The following KCNQ5 variants were observed in gnomAD, a reference collection of about 807,000 sequenced individuals.
KCNQ5 encodes the protein potassium voltage-gated channel subfamily Q member 5, also known as potassium voltage-gated channel subfamily KQT member 5.
KCNQ5 carries 30 observed loss-of-function variants against 98.2 expected under a neutral mutation model. That is an observed-to-expected ratio of 0.31 (90% CI 0.23 to 0.41). KCNQ5 has a LOEUF of 0.41. Ranked by LOEUF, KCNQ5 falls within the 10% of genes least tolerant of loss-of-function variation. The pLI is 1.00. For synonymous variants in KCNQ5, 458 were observed against 449.4 expected (o/e 1.02, Z -0.24); for missense variants, 835 against 1,182.5 (o/e 0.71, Z 4.31).
At chr6:73,045,294 T>C (rs145976039) in intron 3 of KCNQ5, among the ~76,000 whole-genome samples, 347 of 152,344 alleles carry the variant, frequency 2.3e-3, no homozygotes, top group African/African-American at 7.7e-3. Context: ...TATTTAACTT[T>C]TTTTAATTAG....
chr6:73,059,523 C>T lies in KCNQ5; in HGVS notation c.616+17461C>T, dbSNP rs527578148. The stretch of plus-strand genomic sequence containing the variant: ...TCAAACCCCCATAATATACAATTCA[C>T]CTATATAACAAACCTGCACATGTAC... On this transcript the variant is annotated intron_variant, in intron 3 of 13. Transcript: ENST00000370398. 1.1e-3 allele frequency among the ~76,000 whole-genome samples: 172 copies of T among 152,152 alleles called. 1 individual carries two copies. The highest frequency in any genetic ancestry group is 3.8e-3 in the African/African-American group (158 of 41,512).
intron 1 of KCNQ5, among the ~76,000 whole-genome samples, chr6:72,740,124 G>A (rs1419279118): frequency 6.6e-6 from 1 of 152,184 alleles, no homozygotes; most frequent in African/African-American, 2.4e-5. Flanking sequence ...TTCTCAATAA[G>A]TTTCAGTGTC....
chr6:72,650,385 T>G (rs539625506), intron 1 of KCNQ5, among the ~76,000 whole-genome samples: 2 of 152,260 alleles, frequency 1.3e-5, no homozygotes, highest in African/African-American at 4.8e-5. Context: ...AGAAAACTAT[T>G]TCAAATACCT....
At position 72,837,176 on chromosome 6, in the gene KCNQ5, C is replaced by T. The variant is rs528689541; in HGVS notation, c.399-166732C>T. On this transcript the variant is annotated intron_variant, in intron 1 of 13. Transcript: ENST00000370398. The stretch of plus-strand genomic sequence containing the variant: ...TTACGTCATTATTCATTTGTTCATT[C>T]ATTCAACAAATTTTTGATGAAGTAA... Among the ~76,000 whole-genome samples the T allele has an allele frequency of 5.9e-5, 9 of 152,256 alleles. 1 individual carries two copies. The highest frequency in any genetic ancestry group is 1.9e-4 in the African/African-American group (8 of 41,558).
chr6:73,040,885 A>G (rs1771657466), intron 2 of KCNQ5, among the ~76,000 whole-genome samples: 1 of 152,170 alleles, frequency 6.6e-6, no homozygotes, highest in African/African-American at 2.4e-5. Flanking sequence ...GAATGGGAGA[A>G]TGGGGAGTAG....
chr6:72,729,835 A>C (rs1770469709), intron 1 of KCNQ5, among the ~76,000 whole-genome samples: 1 of 152,098 alleles, frequency 6.6e-6, no homozygotes, highest in Non-Finnish European at 1.5e-5. Flanking sequence ...CTGGGCCTAT[A>C]TTTTACTGGG....
intron 1 of KCNQ5, among the ~76,000 whole-genome samples, chr6:72,923,193 G>A (rs1780483886): frequency 6.6e-6 from 1 of 152,128 alleles, no homozygotes; most frequent in Admixed American, 6.5e-5. Context: ...TAATGCTTCA[G>A]TAAACTTGAG....
chr6:72,678,440 G>A (rs1767527999), intron 1 of KCNQ5: 1 of 151,918 alleles, frequency 6.6e-6, no homozygotes, highest in Non-Finnish European at 1.5e-5. Context: ...ATAGACCCCA[G>A]GGCTTGTTCT....
At chr6:72,666,109 C>G (rs952405884) in intron 1 of KCNQ5, among the ~76,000 whole-genome samples, 1 of 152,106 alleles carries the variant, frequency 6.6e-6, no homozygotes, top group Non-Finnish European at 1.5e-5. Flanking sequence ...TATAATTGCA[C>G]TGTATCTGTA....
intron 2 of KCNQ5, among the ~76,000 whole-genome samples, chr6:73,026,772 T>A (rs1049479895): frequency 2.0e-5 from 3 of 152,186 alleles, no homozygotes; most frequent in Admixed American, 2.0e-4. Flanking sequence ...GGCACTGTTC[T>A]AAGCACTGTA....
intron 3 of KCNQ5, among the ~76,000 whole-genome samples, chr6:73,057,441 G>T (rs1772569970): frequency 2.0e-5 from 3 of 151,776 alleles, no homozygotes; most frequent in African/African-American, 7.3e-5. Flanking sequence ...TAACAAATCT[G>T]CACATTGTGC....
intron 2 of KCNQ5, 151 bp from the exon 3 acceptor site, chr6:73,041,785 T>A: frequency 3.6e-6 from 3 of 828,802 alleles, no homozygotes; most frequent in Non-Finnish European, 5.8e-6. Flanking sequence ...AGATTTAGTT[T>A]GATCTGGAGA....
intron 1 of KCNQ5, among the ~76,000 whole-genome samples, chr6:72,871,189 T>G (rs1258162989): frequency 6.6e-6 from 1 of 152,194 alleles, no homozygotes; most frequent in Non-Finnish European, 1.5e-5. Context: ...TATAGAAGAC[T>G]GAACCAAAAG....
At chr6:72,979,179 T>G (rs1238694189) in intron 1 of KCNQ5, among the ~76,000 whole-genome samples, 1 of 152,250 alleles carries the variant, frequency 6.6e-6, no homozygotes, top group Non-Finnish European at 1.5e-5. Context: ...TATAATCCTT[T>G]GGGTATATAC....
intron 1 of KCNQ5, among the ~76,000 whole-genome samples, chr6:72,968,648 T>C (rs1320778050): frequency 6.6e-6 from 1 of 152,242 alleles, no homozygotes; most frequent in African/African-American, 2.4e-5. Context: ...ATGAAGTGGC[T>C]TATTCTTATA....
At chr6:72,932,965 C>T (rs1765755312) in intron 1 of KCNQ5, among the ~76,000 whole-genome samples, 3 of 152,134 alleles carry the variant, frequency 2.0e-5, no homozygotes, top group South Asian at 4.1e-4. Flanking sequence ...TTGTCTTTCT[C>T]AACTAAGAAT....
intron 8 of KCNQ5, among the ~76,000 whole-genome samples, chr6:73,123,728 T>G (rs889405027): frequency 6.6e-6 from 1 of 152,128 alleles, no homozygotes; most frequent in South Asian, 2.1e-4. Flanking sequence ...GTCAGAAATT[T>G]TATGAGGCTA....
chr6:73,166,528 T>TAAA, intron 10 of KCNQ5, among the ~76,000 whole-genome samples: 2 of 67,018 alleles, frequency 3.0e-5, no homozygotes, highest in Admixed American at 2.0e-4. Flanking sequence ...AAAAAAAAAC[T>TAAA]CTTATTACTA....
At chr6:72,846,741 T>C (rs1777039687) in intron 1 of KCNQ5, among the ~76,000 whole-genome samples, 1 of 152,224 alleles carries the variant, frequency 6.6e-6, no homozygotes, top group Admixed American at 6.6e-5. Flanking sequence ...GAATGACATT[T>C]GGCTGTTAAA....
Sources: gnomAD v4.1 joint callset for allele counts (sites outside exome capture counted in the v4.1 genomes callset) on GRCh38, gnomAD v4.1.1 for gene constraint, MANE v1.5 for transcripts, NCBI Gene and HGNC (gene_info 2026-07-23, HGNC 2026-07-21) for gene names.